Variants in FKBP6 observed in about 807,000 individuals in gnomAD.
FKBP6 encodes inactive peptidyl-prolyl cis-trans isomerase FKBP6.
Under a neutral mutation model 41.7 loss-of-function variants are expected in FKBP6, and 29 were observed. The observed-to-expected ratio is 0.70, with a 90% CI of 0.52 to 0.95. FKBP6 has a LOEUF of 0.95. FKBP6 is among the 40% of genes least tolerant of loss of function. The pLI, the probability that FKBP6 is intolerant of heterozygous loss-of-function variation, is 0.00. For missense variants in FKBP6, 338 were observed against 408.7 expected (o/e 0.83, Z 1.49); for synonymous variants, 130 against 165.1 (o/e 0.79, Z 1.63).
intron 5 of FKBP6, among the ~76,000 whole-genome samples, chr7:73,335,675 A>G (rs1351698904): frequency 4.6e-5 from 7 of 152,046 alleles, no homozygotes; most frequent in Admixed American, 2.6e-4. Flanking sequence ...AGATAGCTCT[A>G]ATTCCTGGTT....
intron 8 of FKBP6, among the ~76,000 whole-genome samples, chr7:73,351,142 C>T (rs971594055): frequency 6.6e-6 from 1 of 152,018 alleles, no homozygotes; most frequent in Non-Finnish European, 1.5e-5. Context: ...TACAGTGGCG[C>T]GATCTCAGCT....
chr7:73,329,039 A>G (rs1238258684), intron 2 of FKBP6, among the ~76,000 whole-genome samples: 1 of 152,158 alleles, frequency 6.6e-6, no homozygotes, highest in East Asian at 1.9e-4. Flanking sequence ...TCCTGGACCC[A>G]AGTGAGCCTC....
intron 5 of FKBP6, among the ~76,000 whole-genome samples, chr7:73,339,668 C>T (rs1296982247): frequency 6.9e-6 from 1 of 144,374 alleles, no homozygotes; most frequent in Non-Finnish European, 1.5e-5. Flanking sequence ...GGCTGGAGTG[C>T]AGTGGTGTGG....
chr7:73,344,825 T>C (rs1161934580), intron 8 of FKBP6, among the ~76,000 whole-genome samples: 2 of 152,186 alleles, frequency 1.3e-5, no homozygotes, highest in Admixed American at 1.3e-4. Context: ...CCTCAGGTGG[T>C]CCTCCCGCCT....
chr7:73,341,529 C>T (rs1805189207), intron 7 of FKBP6, 147 bp downstream of exon 7: 1 of 685,700 alleles, frequency 1.5e-6, no homozygotes, highest in Admixed American at 2.1e-5. Flanking sequence ...TTCTGAAGTG[C>T]TCGGCCGTGC....
intron 5 of FKBP6, among the ~76,000 whole-genome samples, chr7:73,333,963 T>C (rs782757575): frequency 1.5e-4 from 23 of 152,152 alleles, no homozygotes; most frequent in Admixed American, 2.6e-4. Context: ...TCCCAGCTAC[T>C]TGGGAGGCTG....
chr7:73,332,658 T>C (rs561942975), intron 5 of FKBP6, among the ~76,000 whole-genome samples: 1 of 152,286 alleles, frequency 6.6e-6, no homozygotes, highest in East Asian at 1.9e-4. Context: ...GGTTCTTGGG[T>C]ACATGGGTGT....
At chr7:73,335,123 TG>T (rs1281121634) in intron 5 of FKBP6, among the ~76,000 whole-genome samples, 1 of 142,994 alleles carries the variant, frequency 7.0e-6, no homozygotes, top group African/African-American at 2.7e-5. Context: ...TGGTTGTACG[TG>T]TTCCTGGCCA....
intron 5 of FKBP6, among the ~76,000 whole-genome samples, chr7:73,332,005 A>G (rs530088388): frequency 4.6e-5 from 7 of 151,764 alleles, no homozygotes; most frequent in Non-Finnish European, 1.0e-4. Flanking sequence ...CTGGGACTAC[A>G]GGCACCCGCC....
At position 73,342,279 on chromosome 7, in the gene FKBP6, G is replaced by A. The variant is rs1236031236; in HGVS notation, c.894-528G>A. Among the ~76,000 whole-genome samples, 8 of 152,152 alleles carry A rather than the reference G, an allele frequency of 5.3e-5. No individual in the cohort carries two copies. The East Asian group carries it at 1.5e-3, about 29-fold the overall frequency. On this transcript the variant is annotated intron_variant, in intron 7 of 8. Transcript: ENST00000252037. ...TTGGTAATAGGTCCATGGTTTTTAA[G>A]GTATATCTTCTTCTGTAATGGTGAA...
intron 8 of FKBP6, among the ~76,000 whole-genome samples, chr7:73,352,193 G>C (rs1184375695): frequency 6.6e-6 from 1 of 152,066 alleles, no homozygotes; most frequent in Non-Finnish European, 1.5e-5. Flanking sequence ...CGATCTCCTG[G>C]CCTCAAGCGA....
intron 5 of FKBP6, among the ~76,000 whole-genome samples, 161 bp downstream of exon 5, chr7:73,331,937 C>T (rs568302116): frequency 6.6e-6 from 1 of 152,218 alleles, no homozygotes; most frequent in South Asian, 2.1e-4. Context: ...AATCTCAGCT[C>T]ACTGCAAGCT....
rs774828150 is a variant in FKBP6, at chr7:73,330,468, G to A, written c.468+116G>A. The A allele has an allele frequency of 2.2e-4, 181 of 812,036 alleles. 1 individual carries two copies. The highest frequency in any genetic ancestry group is 3.3e-4 in the Non-Finnish European group (159 of 478,692). The allele number at this position is 812,036 out of a possible 1,614,324, so 50.3% of individuals were successfully genotyped here. A position where few individuals can be genotyped will look rare whatever the true frequency, so the allele number is the denominator to read the frequency against. Reference sequence around the variant, plus strand: ...TGATCGTCCTCTCCAGGGTACCCCCGCGGCTCCTGTGCGGTGGCGGCGGAG... The same window carrying A: ...TGATCGTCCTCTCCAGGGTACCCCCACGGCTCCTGTGCGGTGGCGGCGGAG... On this transcript the variant is annotated intron_variant, in intron 4 of 8. Transcript: ENST00000252037.
chr7:73,354,346 G>A (rs1554551591), intron 8 of FKBP6, among the ~76,000 whole-genome samples: 1 of 152,230 alleles, frequency 6.6e-6, no homozygotes, highest in Non-Finnish European at 1.5e-5. Context: ...GTGGCTGCAG[G>A]AAGTGCAGCA....
At chr7:73,336,908 T>A (rs1805022617) in intron 5 of FKBP6, 1 of 430,832 alleles carries the variant, frequency 2.3e-6, no homozygotes, top group Non-Finnish European at 4.7e-6. Context: ...TATGATGAAG[T>A]TGTATATATA....
chr7:73,330,447 C>A, intron 4 of FKBP6, 95 bp downstream of exon 4: 1 of 970,234 alleles, frequency 1.0e-6, no homozygotes, highest in Non-Finnish European at 1.6e-6. Flanking sequence ...TGAGGCTGAT[C>A]GTCCTCTCCA....
At chr7:73,329,217 G>A (rs565473635) in intron 2 of FKBP6, 143 bp from the exon 3 acceptor site, 1 of 757,788 alleles carries the variant, frequency 1.3e-6, no homozygotes, top group East Asian at 2.5e-5. Context: ...AATGCAGAGA[G>A]AAGATTTATT....
intron 8 of FKBP6, among the ~76,000 whole-genome samples, chr7:73,350,276 T>G (rs1554550927): frequency 6.6e-6 from 1 of 152,198 alleles, no homozygotes; most frequent in East Asian, 1.9e-4. Context: ...TAAACCCACT[T>G]AACTTTCCTG....
At chr7:73,340,609 T>C (rs1805144104) in intron 5 of FKBP6, 29 bp from the exon 6 acceptor site, 1 of 1,596,068 alleles carries the variant, frequency 6.3e-7, no homozygotes, top group Non-Finnish European at 8.6e-7. Context: ...CTGTTACTCC[T>C]CTTGACCATC....
Sources: allele counts gnomAD v4.1 joint callset (sites outside exome capture counted in the v4.1 genomes callset), GRCh38; gene constraint gnomAD v4.1.1; transcripts MANE v1.5; gene names NCBI Gene and HGNC (gene_info 2026-07-23, HGNC 2026-07-21).